GRIP1: variants seen among roughly 807,000 people sequenced by gnomAD.
GRIP1 encodes the protein glutamate receptor-interacting protein 1.
Under a neutral mutation model 129.9 loss-of-function variants are expected in GRIP1, and 45 were observed. The ratio of observed to expected loss-of-function variants is 0.35; its 90% CI spans 0.27 to 0.44. The LOEUF (loss-of-function observed/expected upper bound fraction) is 0.44. GRIP1 is among the 20% of genes least tolerant of loss of function. The pLI is 1.00. For synonymous variants in GRIP1, 530 were observed against 520.8 expected, an observed-to-expected ratio of 1.02 and a Z score of -0.24; for missense variants, 1,196 against 1,396.8, an observed-to-expected ratio of 0.86 and a Z score of 2.29.
At chr12:66,996,531 T>C (rs1201319911) in intron 1 of GRIP1, among the ~76,000 whole-genome samples, 1 of 152,120 alleles carries the variant, frequency 6.6e-6, no homozygotes, top group African/African-American at 2.4e-5. Context: ...TACATCACAA[T>C]TATCTTCACT....
At chr12:66,484,141 G>T (rs2059889444) in intron 7 of GRIP1, among the ~76,000 whole-genome samples, 1 of 152,130 alleles carries the variant, frequency 6.6e-6, no homozygotes, top group South Asian at 2.1e-4. Flanking sequence ...TTACAGGCGT[G>T]AGCCACTGCG....
Position 66,353,473 on chromosome 12 carries a change from G to A in GRIP1, c.3103C>T (p.Arg1035Cys), listed in dbSNP as rs372882557. 8.1e-6 allele frequency: 13 copies of A among 1,612,274 alleles called. No individual in the cohort carries two copies. The highest frequency in any genetic ancestry group is 2.7e-5 in the African/African-American group (2 of 74,836). The change falls in exon 24 of 25, where the codon CGC becomes TGC. Residue 1035 changes from arginine to cysteine, a missense_variant. This residue lies in a region of GRIP1 where 427 missense variants were observed against 463.3 expected (regional missense o/e 0.92). Transcript: ENST00000359742. ...CCAAGATCTCCTGGCCCAGCTGGGC[G>A]AATATTTTTGACATACACTCCTTTC... ...LEKGVYVKNI[R>C]PAGPGDLGGL...
At chr12:67,060,973 G>T (rs2043523926) in intron 1 of GRIP1, among the ~76,000 whole-genome samples, 1 of 152,160 alleles carries the variant, frequency 6.6e-6, no homozygotes, top group African/African-American at 2.4e-5. Context: ...AAGCAGATAA[G>T]TAACACCAGG....
At chr12:66,934,290 C>A (rs2041448331) in intron 1 of GRIP1, among the ~76,000 whole-genome samples, 1 of 152,150 alleles carries the variant, frequency 6.6e-6, no homozygotes, top group Non-Finnish European at 1.5e-5. Context: ...ATGCCCTTGC[C>A]CGGAAAAACA....
chr12:66,865,992 CAAG>C (rs1566057391), intron 1 of GRIP1, among the ~76,000 whole-genome samples: 1 of 152,050 alleles, frequency 6.6e-6, no homozygotes, highest in African/African-American at 2.4e-5. Context: ...CTGTGTAAAG[CAAG>C]AAGAAGACAA....
At chr12:66,739,381 T>G (rs1365496905) in intron 1 of GRIP1, among the ~76,000 whole-genome samples, 1 of 152,098 alleles carries the variant, frequency 6.6e-6, no homozygotes, top group Non-Finnish European at 1.5e-5. Context: ...CTGACTGACT[T>G]ATTTGATAAG....
chr12:66,834,561 C>G (rs2039576466), intron 1 of GRIP1, among the ~76,000 whole-genome samples: 1 of 152,104 alleles, frequency 6.6e-6, no homozygotes, highest in Admixed American at 6.5e-5. Context: ...ATCAATAGTA[C>G]AGTTAAAAGC....
At chr12:66,417,554 C>CA (rs2057652697) in intron 15 of GRIP1, among the ~76,000 whole-genome samples, 1 of 152,050 alleles carries the variant, frequency 6.6e-6, no homozygotes, top group Non-Finnish European at 1.5e-5. Context: ...GAAGACTCCA[C>CA]AAAAAACAAT....
At chr12:66,918,788 A>G (rs574897600) in intron 1 of GRIP1, among the ~76,000 whole-genome samples, 3 of 152,260 alleles carry the variant, frequency 2.0e-5, no homozygotes, top group African/African-American at 4.8e-5. Context: ...TCAAATACCA[A>G]TCTTCATTTG....
chr12:66,813,988 T>C (rs2136960465), intron 1 of GRIP1, among the ~76,000 whole-genome samples: 1 of 152,272 alleles, frequency 6.6e-6, no homozygotes, highest in East Asian at 1.9e-4. Context: ...TGTGAATAAC[T>C]GGAAGGATAA....
intron 3 of GRIP1, 139 bp downstream of exon 3, chr12:66,541,676 C>A: frequency 1.1e-6 from 1 of 898,574 alleles, no homozygotes. Flanking sequence ...ACGTGCCCCA[C>A]TGTGCTTCTG....
chr12:67,057,321 C>T (rs1157238484), intron 1 of GRIP1, among the ~76,000 whole-genome samples: 3 of 151,934 alleles, frequency 2.0e-5, no homozygotes, highest in African/African-American at 7.3e-5. Context: ...CTGCACTACA[C>T]CTACCAAGAA....
intron 7 of GRIP1, among the ~76,000 whole-genome samples, chr12:66,478,252 A>T (rs576451267): frequency 6.6e-6 from 1 of 152,250 alleles, no homozygotes; most frequent in Admixed American, 6.5e-5. Context: ...GAAGACATTT[A>T]TGCAGCCAAC....
chr12:66,563,362 C>T (rs1212947910), intron 2 of GRIP1, among the ~76,000 whole-genome samples: 2 of 152,008 alleles, frequency 1.3e-5, no homozygotes, highest in East Asian at 1.9e-4. Context: ...GGAAAAGGAG[C>T]AATCATCTTG....
At position 66,556,265 on chromosome 12, in the gene GRIP1, T is replaced by C. The variant is rs190513595; in HGVS notation, c.137-14315A>G. Among the ~76,000 whole-genome samples the C allele has an allele frequency of 1.4e-4, 21 of 152,204 alleles. No individual in the cohort carries two copies. In the East Asian group the frequency reaches 3.5e-3, roughly 25 times the overall value. The stretch of plus-strand genomic sequence containing the variant: ...GGAAATCTTACAGGCCAGGAGAGCG[T>C]GGCATTACATATTTAAAGTACTGAA... On this transcript the variant is annotated intron_variant, in intron 2 of 24. Coordinates refer to ENST00000359742, the MANE Select transcript of GRIP1 (RefSeq NM_001366722.1).
At chr12:66,573,271 C>A (rs1179413824) in intron 2 of GRIP1, among the ~76,000 whole-genome samples, 1 of 151,992 alleles carries the variant, frequency 6.6e-6, no homozygotes, top group East Asian at 1.9e-4. Flanking sequence ...GGGAGTAGAT[C>A]CTCTCTGAGT....
chr12:66,985,038 G>A (rs1187095800), intron 1 of GRIP1, among the ~76,000 whole-genome samples: 1 of 152,204 alleles, frequency 6.6e-6, no homozygotes, highest in Non-Finnish European at 1.5e-5. Flanking sequence ...TTGAGTTGAT[G>A]CTTGCTGCTA....
chr12:66,982,662 C>G (rs1446311797), intron 1 of GRIP1, among the ~76,000 whole-genome samples: 2 of 152,148 alleles, frequency 1.3e-5, no homozygotes, highest in Admixed American at 1.3e-4. Flanking sequence ...ATTCTTCCAA[C>G]AACAGCATGA....
At chr12:66,819,282 A>G (rs1166501056) in intron 1 of GRIP1, among the ~76,000 whole-genome samples, 1 of 152,206 alleles carries the variant, frequency 6.6e-6, no homozygotes, top group South Asian at 2.1e-4. Context: ...ATTTTTACAA[A>G]GTTTTAAAAT....
Sources: allele counts gnomAD v4.1 joint callset (sites outside exome capture counted in the v4.1 genomes callset), GRCh38; gene constraint gnomAD v4.1.1; regional missense constraint gnomAD v4.1.1; transcripts MANE v1.5; gene names NCBI Gene and HGNC (gene_info 2026-07-23, HGNC 2026-07-21).